CALB2: variants seen among roughly 807,000 people sequenced by gnomAD.
CALB2 encodes the protein calretinin.
A neutral mutation model predicts 45.9 loss-of-function variants in CALB2; 34 were observed. That is an observed-to-expected ratio of 0.74 (90% CI 0.56 to 0.99). The LOEUF is 0.99. Among genes scored for constraint, CALB2 ranks in the 50% least tolerant of loss-of-function variants. CALB2 has a pLI of 0.00. For missense variants in CALB2, 344 were observed against 339.3 expected (o/e 1.01, Z -0.11); for synonymous variants, 142 against 129.6 (o/e 1.10, Z -0.65).
intron 1 of CALB2, 89 bp downstream of exon 1, chr16:71,358,975 G>A: frequency 8.5e-7 from 1 of 1,169,708 alleles, no homozygotes; most frequent in East Asian, 2.5e-5. Flanking sequence ...GCGGGCAGGT[G>A]TACGTTTGCC....
At chr16:71,377,638 CGTTA>C (rs1421701349) in intron 3 of CALB2, 25 bp from the exon 4 acceptor site, 3 of 1,544,226 alleles carry the variant, frequency 1.9e-6, no homozygotes, top group Non-Finnish European at 2.7e-6. Context: ...CCCTCCATAA[CGTTA>C]GTGTCGCTCT....
chr16:71,369,434 C>G (rs2042322420), intron 1 of CALB2, among the ~76,000 whole-genome samples: 1 of 152,152 alleles, frequency 6.6e-6, no homozygotes, highest in East Asian at 1.9e-4. Flanking sequence ...GAAGAAATGG[C>G]AGAACATGAA....
At chr16:71,365,549 C>A (rs549150664) in intron 1 of CALB2, among the ~76,000 whole-genome samples, 2 of 152,284 alleles carry the variant, frequency 1.3e-5, no homozygotes, top group Admixed American at 6.5e-5. Context: ...TTTTAGCACA[C>A]TGATGAATCA....
chr16:71,377,638 C>A, intron 3 of CALB2, 29 bp from the exon 4 acceptor site: 2 of 1,544,334 alleles, frequency 1.3e-6, no homozygotes, highest in Non-Finnish European at 1.8e-6. Context: ...CCCTCCATAA[C>A]GTTAGTGTCG....
chr16:71,378,095 G>A (rs1306063343), intron 4 of CALB2, among the ~76,000 whole-genome samples: 2 of 152,034 alleles, frequency 1.3e-5, no homozygotes, highest in African/African-American at 2.4e-5. Flanking sequence ...GTGGTGGCGG[G>A]CACCTGTAAT....
chr16:71,389,562 G>A lies in CALB2; in HGVS notation c.700-187G>A, dbSNP rs777704034. On this transcript the variant is annotated intron_variant, in intron 10 of 10. Transcript: ENST00000302628. ...TTCCCCAAAGCAATGCAGCCAGTAA[G>A]TGAAAGAGAGGCTTTAACCTCCATC... 33 of 740,902 alleles carry A rather than the reference G, an allele frequency of 4.5e-5. No homozygotes were observed. In the African/African-American group the frequency reaches 5.1e-4, roughly 11 times the overall value. 45.9% of individuals were successfully genotyped at this position (740,902 alleles called of 1,614,324 possible).
intron 10 of CALB2, among the ~76,000 whole-genome samples, chr16:71,387,962 C>T (rs1275883094): frequency 6.6e-6 from 1 of 152,104 alleles, no homozygotes; most frequent in East Asian, 1.9e-4. Context: ...AAGACTGGCC[C>T]TTGAGCCCTG....
At chr16:71,368,847 C>T (rs141914560) in intron 1 of CALB2, among the ~76,000 whole-genome samples, 2 of 152,296 alleles carry the variant, frequency 1.3e-5, no homozygotes, top group East Asian at 3.9e-4. Flanking sequence ...ACCTTCAGCA[C>T]TTTCCTGCTG....
chr16:71,376,277 T>C (rs1306864667), intron 3 of CALB2, among the ~76,000 whole-genome samples: 1 of 152,144 alleles, frequency 6.6e-6, no homozygotes, highest in African/African-American at 2.4e-5. Context: ...TCCTGAGCCA[T>C]ACTTGGCCTG....
intron 1 of CALB2, among the ~76,000 whole-genome samples, chr16:71,365,129 G>T (rs2042270856): frequency 6.6e-6 from 1 of 152,226 alleles, no homozygotes; most frequent in African/African-American, 2.4e-5. Context: ...GACTGTCCCA[G>T]AGGGTGCTCC....
At chr16:71,383,938 A>T (rs2042532885) in intron 6 of CALB2, 32 bp from the exon 7 acceptor site, 1 of 1,613,252 alleles carries the variant, frequency 6.2e-7, no homozygotes, top group African/African-American at 1.3e-5. Flanking sequence ...AATTCACAGC[A>T]AATAACCCAG....
At chr16:71,368,186 CT>C (rs1204981020) in intron 1 of CALB2, among the ~76,000 whole-genome samples, 8 of 152,234 alleles carry the variant, frequency 5.3e-5, no homozygotes, top group Admixed American at 4.6e-4. Context: ...CCTAGCTGGC[CT>C]TTGCACCTCC....
intron 1 of CALB2, among the ~76,000 whole-genome samples, chr16:71,361,271 TGAGA>T: frequency 6.6e-6 from 1 of 152,132 alleles, no homozygotes; most frequent in East Asian, 1.9e-4. Flanking sequence ...ATACCAGAGA[TGAGA>T]GAGAGGTGAC....
intron 3 of CALB2, 113 bp from the exon 4 acceptor site, chr16:71,377,554 C>A: frequency 1.5e-6 from 1 of 688,332 alleles, no homozygotes. Context: ...GAAGAAAACG[C>A]AATTCCCACA....
At chr16:71,366,084 T>C (rs2042284352) in intron 1 of CALB2, among the ~76,000 whole-genome samples, 1 of 137,090 alleles carries the variant, frequency 7.3e-6, no homozygotes, top group Non-Finnish European at 1.5e-5. Context: ...TGGAGTGCAG[T>C]GGCAGGATCT....
At chr16:71,378,486 C>T (rs1488691697) in intron 4 of CALB2, among the ~76,000 whole-genome samples, 2 of 152,012 alleles carry the variant, frequency 1.3e-5, no homozygotes, top group Non-Finnish European at 2.9e-5. Context: ...GAGTTTGAGG[C>T]TGAAGATCAC....
rs2042523187 is a variant in CALB2, at chr16:71,383,392, A to C, written c.425A>C (p.Lys142Thr). Residue 142 changes from lysine to threonine, a missense_variant, in exon 6 of 11, where the codon AAG (lysine) becomes ACG (threonine). This residue lies in a region of CALB2 where 263 missense variants were observed against 241.7 expected (regional missense o/e 1.09). Coordinates refer to ENST00000302628, the MANE Select transcript of CALB2 (RefSeq NM_001740.5). ...LKGFLSDLLKKANRPYDEPKL... is the reference protein window; with the variant it reads ...LKGFLSDLLKTANRPYDEPKL... ...GGATTCCTGTCAGACCTGCTGAAGAAGGCGAACCGGCCGTACGATGAGCCC... is the reference window on the plus strand; with the variant it reads ...GGATTCCTGTCAGACCTGCTGAAGACGGCGAACCGGCCGTACGATGAGCCC... 3.1e-6 allele frequency: 5 copies of C among 1,614,170 alleles called. No individual in the cohort carries two copies. Among genetic ancestry groups the C allele is most frequent in the African/African-American group, 2.7e-5 (2 of 75,048 alleles).
At chr16:71,369,651 T>A (rs2042324752) in intron 1 of CALB2, among the ~76,000 whole-genome samples, 1 of 152,172 alleles carries the variant, frequency 6.6e-6, no homozygotes, top group Non-Finnish European at 1.5e-5. Context: ...CACTGAACCA[T>A]GACACGCACT....
intron 10 of CALB2, 151 bp from the exon 11 acceptor site, chr16:71,389,598 C>A: frequency 1.3e-6 from 1 of 762,544 alleles, no homozygotes; most frequent in Non-Finnish European, 2.4e-6. Context: ...TGTCTGACTC[C>A]AAAATCCATG....
Sources: gnomAD v4.1 joint callset for allele counts (sites outside exome capture counted in the v4.1 genomes callset) on GRCh38, gnomAD v4.1.1 for gene constraint, gnomAD v4.1.1 regional missense constraint, MANE v1.5 for transcripts, NCBI Gene and HGNC (gene_info 2026-07-23, HGNC 2026-07-21) for gene names.